MGAM2: variants seen among roughly 807,000 people sequenced by gnomAD.
MGAM2 encodes the protein probable maltase-glucoamylase 2.
Under a neutral mutation model 96.1 loss-of-function variants are expected in MGAM2, and 98 were observed. The ratio of observed to expected loss-of-function variants is 1.02; its 90% CI spans 0.87 to 1.21. The LOEUF (loss-of-function observed/expected upper bound fraction) is 1.21, where lower values mean the gene tolerates loss of function less well. Among genes scored for constraint, MGAM2 ranks in the 50% most tolerant of loss-of-function variants. MGAM2 has a pLI of 0.00. For synonymous variants in MGAM2, 749 were observed against 414.8 expected (o/e 1.81, Z -9.79); for missense variants, 2,055 against 1,182.4 (o/e 1.74, Z -10.82).
rs1585210150 is a variant in MGAM2, at chr7:142,198,634, C to T, written c.4943C>T (p.Thr1648Ile). Residue 1648 changes from threonine to isoleucine, a missense_variant, in exon 44 of 48, where the codon ACA becomes ATA. By Grantham distance (89) the Thr-to-Ile change is moderately conservative. Coordinates refer to ENST00000477922, the MANE Select transcript of MGAM2 (RefSeq NM_001293626.2). Reference sequence around the variant, plus strand: ...TTCTAGGGAACTAGCAGCACATCAACAGGTCAGAGGAAAATCCTGAAGGCT... The same window carrying T: ...TTCTAGGGAACTAGCAGCACATCAATAGGTCAGAGGAAAATCCTGAAGGCT... ...DYSTGTSSTS[T>I]GQRKILKAPL... 6 of 703,152 alleles carry T rather than the reference C, an allele frequency of 8.5e-6. No homozygotes were observed. Among genetic ancestry groups the T allele is most frequent in the Non-Finnish European group, 1.3e-5 (5 of 384,954 alleles). The allele number at this position is 703,152 out of a possible 1,614,324, so 43.6% of individuals were successfully genotyped here. A position where few individuals can be genotyped will look rare whatever the true frequency, so the allele number is the denominator to read the frequency against.
intron 3 of MGAM2, among the ~76,000 whole-genome samples, chr7:142,129,689 G>C (rs1291829528): frequency 1.3e-5 from 2 of 151,282 alleles, no homozygotes; most frequent in Middle Eastern, 3.2e-3. Context: ...GCCAGGTGTG[G>C]TGGTGGGAGC....
intron 17 of MGAM2, among the ~76,000 whole-genome samples, chr7:142,157,224 G>C (rs911967846): frequency 1.3e-5 from 2 of 152,044 alleles, no homozygotes; most frequent in Admixed American, 1.3e-4. Flanking sequence ...TTTTTTAGTA[G>C]TAGTACAACT....
chr7:142,141,864 A>C (rs1186220556), intron 12 of MGAM2, among the ~76,000 whole-genome samples: 9 of 152,214 alleles, frequency 5.9e-5, no homozygotes, highest in African/African-American at 2.2e-4. Flanking sequence ...TAGCAGACTC[A>C]GGCAGTGGAA....
chr7:142,168,695 C>A (rs1366290271), intron 26 of MGAM2, among the ~76,000 whole-genome samples: 1 of 152,194 alleles, frequency 6.6e-6, no homozygotes, highest in Non-Finnish European at 1.5e-5. Context: ...ATGTGAGCCA[C>A]ACATATCTTC....
chr7:142,164,545 T>C (rs1208038588), intron 23 of MGAM2, among the ~76,000 whole-genome samples: 1 of 152,174 alleles, frequency 6.6e-6, no homozygotes, highest in Non-Finnish European at 1.5e-5. Flanking sequence ...GAGGCTCTTA[T>C]CTTTTTGTTT....
intron 45 of MGAM2, among the ~76,000 whole-genome samples, chr7:142,201,447 T>C (rs1037314318): frequency 1.3e-5 from 2 of 152,202 alleles, no homozygotes; most frequent in African/African-American, 2.4e-5. Flanking sequence ...GGAAGTGATA[T>C]TACTGTCTTT....
At chr7:142,204,751 T>G (rs2129103028) in intron 45 of MGAM2, among the ~76,000 whole-genome samples, 1 of 152,168 alleles carries the variant, frequency 6.6e-6, no homozygotes, top group Non-Finnish European at 1.5e-5. Context: ...TACATAAAAT[T>G]AGCATGTCTA....
At chr7:142,208,757 C>G (rs1797487769) in intron 46 of MGAM2, 135 bp downstream of exon 46, 3 of 576,196 alleles carry the variant, frequency 5.2e-6, no homozygotes, top group African/African-American at 3.8e-5. Context: ...TAATCCAGGT[C>G]TGTTGTCATT....
At position 142,194,756 on chromosome 7, in the gene MGAM2, T is replaced by C. The variant is rs556976879; in HGVS notation, c.4347-1398T>C. ...TTTCCATTCATTTTTGGATTTGTTT[T>C]GGTGTGAAAAATTGGAAATAACCCA... On this transcript the variant is annotated intron_variant, in intron 37 of 47. Coordinates refer to ENST00000477922, the MANE Select transcript of MGAM2 (RefSeq NM_001293626.2). 5.7e-3 allele frequency among the ~76,000 whole-genome samples: 862 copies of C among 151,478 alleles called. 3 individuals are homozygous for C. The highest frequency in any genetic ancestry group is 0.01 in the Middle Eastern group (3 of 294).
At chr7:142,113,842 T>C (rs952914217) in intron 1 of MGAM2, among the ~76,000 whole-genome samples, 3 of 152,018 alleles carry the variant, frequency 2.0e-5, no homozygotes, top group Non-Finnish European at 4.4e-5. Flanking sequence ...CAACATTTAA[T>C]GAAATAGGGC....
intron 46 of MGAM2, among the ~76,000 whole-genome samples, chr7:142,213,218 A>C (rs1456458086): frequency 1.3e-5 from 2 of 152,204 alleles, no homozygotes; most frequent in African/African-American, 2.4e-5. Flanking sequence ...AGGAGAAAAC[A>C]GGAAGGATCT....
At position 142,189,922 on chromosome 7, in the gene MGAM2, T is replaced by G. The variant is rs373937070; in HGVS notation, c.4346+417T>G. ...AAATGGAATCACACAATATGTGCTC[T>G]TTTGTATATGGGTACTTTCACTTGG... On this transcript the variant is annotated intron_variant, in intron 37 of 47. Coordinates refer to ENST00000477922, the MANE Select transcript of MGAM2 (RefSeq NM_001293626.2). Among the ~76,000 whole-genome samples the G allele has an allele frequency of 2.0e-5, 3 of 152,204 alleles. No homozygotes were observed. The South Asian group carries it at 6.2e-4, about 31-fold the overall frequency.
At chr7:142,178,275 C>T (rs138910716) in intron 32 of MGAM2, among the ~76,000 whole-genome samples, 39 of 152,198 alleles carry the variant, frequency 2.6e-4, no homozygotes, top group African/African-American at 9.1e-4. Flanking sequence ...GTCAGATTCA[C>T]AACTTGCTAA....
chr7:142,219,694 C>T (rs1797861863), intron 47 of MGAM2, among the ~76,000 whole-genome samples, 176 bp from the exon 48 acceptor site: 1 of 152,126 alleles, frequency 6.6e-6, no homozygotes, highest in Non-Finnish European at 1.5e-5. Context: ...CAGAGCATCT[C>T]TCTGTATTTA....
rs1288612743 is a variant in MGAM2, at chr7:142,117,031, A to G, written c.106+52A>G. 2.0e-5 allele frequency: 14 copies of G among 702,136 alleles called. No homozygotes were observed. In the East Asian group the frequency reaches 3.8e-4, roughly 19 times the overall value. The allele number at this position is 702,136 out of a possible 1,614,324, so 43.5% of individuals were successfully genotyped here. ...GGCTGGGTAAAGGAAGTCTCCTGTAAACGCCAAAGAGATTATTTTATTCTT... is the reference window on the plus strand; with the variant it reads ...GGCTGGGTAAAGGAAGTCTCCTGTAGACGCCAAAGAGATTATTTTATTCTT... On this transcript the variant is annotated intron_variant, in intron 2 of 47. Coordinates refer to ENST00000477922, the MANE Select transcript of MGAM2 (RefSeq NM_001293626.2).
chr7:142,207,487 G>T (rs528007122), intron 45 of MGAM2, among the ~76,000 whole-genome samples: 1 of 151,798 alleles, frequency 6.6e-6, no homozygotes, highest in Non-Finnish European at 1.5e-5. Context: ...GTGCAGTGGC[G>T]CGATCTTGGC....
chr7:142,193,747 C>T (rs920054538), intron 37 of MGAM2, among the ~76,000 whole-genome samples: 1 of 152,188 alleles, frequency 6.6e-6, no homozygotes, highest in Admixed American at 6.5e-5. Flanking sequence ...TCTTTCCAAG[C>T]CTATGCTCCT....
chr7:142,218,581 G>T (rs189160175), intron 47 of MGAM2, 50 bp downstream of exon 47: 400 of 536,798 alleles, frequency 7.5e-4, no homozygotes, highest in African/African-American at 7.1e-3. Flanking sequence ...TTATCATTCT[G>T]CAAAATTATC....
chr7:142,188,441 T>C (rs1272252930), intron 36 of MGAM2, among the ~76,000 whole-genome samples: 1 of 149,774 alleles, frequency 6.7e-6, no homozygotes, highest in Non-Finnish European at 1.5e-5. Flanking sequence ...GTGAGACCCA[T>C]AAAAAAAAAC....
Sources: gnomAD v4.1 joint callset for allele counts (sites outside exome capture counted in the v4.1 genomes callset) on GRCh38, gnomAD v4.1.1 for gene constraint, MANE v1.5 for transcripts, NCBI Gene and HGNC (gene_info 2026-07-23, HGNC 2026-07-21) for gene names.